Variants in ADGRL3 observed in about 807,000 individuals in gnomAD.
ADGRL3 encodes calcium-independent alpha-latrotoxin receptor 3.
A neutral mutation model predicts 153.5 loss-of-function variants in ADGRL3; 62 were observed. That is an observed-to-expected ratio of 0.40 (90% CI 0.33 to 0.50). ADGRL3 has a LOEUF of 0.50. Ranked by LOEUF, ADGRL3 falls within the 20% of genes least tolerant of loss-of-function variation. The pLI is 0.47. For synonymous variants in ADGRL3, 710 were observed against 672.5 expected (o/e 1.06, Z -0.86); for missense variants, 1,641 against 1,859.4 (o/e 0.88, Z 2.16).
intron 4 of ADGRL3, among the ~76,000 whole-genome samples, chr4:61,525,646 T>C (rs1239171915): frequency 7.9e-5 from 12 of 152,106 alleles, no homozygotes; most frequent in Non-Finnish European, 4.4e-5. Context: ...AATGAGTGTC[T>C]GAACTGGGGA....
intron 17 of ADGRL3, among the ~76,000 whole-genome samples, chr4:61,948,842 T>C (rs1305209694): frequency 6.6e-6 from 1 of 152,116 alleles, no homozygotes; most frequent in Non-Finnish European, 1.5e-5. Flanking sequence ...CTACATCAAT[T>C]TCCTCCCAGT....
intron 2 of ADGRL3, among the ~76,000 whole-genome samples, chr4:61,442,428 TGC>T (rs2097537344): frequency 6.6e-6 from 1 of 152,150 alleles, no homozygotes; most frequent in Admixed American, 6.5e-5. Context: ...ATTCGATTAT[TGC>T]AAGTAAAGAG....
chr4:61,320,985 T>C (rs957721849), intron 1 of ADGRL3, among the ~76,000 whole-genome samples: 1 of 152,168 alleles, frequency 6.6e-6, no homozygotes, highest in African/African-American at 2.4e-5. Context: ...CCTTCCTTTA[T>C]TTTCAAAGCC....
intron 25 of ADGRL3, among the ~76,000 whole-genome samples, chr4:62,061,961 T>C (rs1048651967): frequency 6.6e-6 from 1 of 151,992 alleles, no homozygotes; most frequent in African/African-American, 2.4e-5. Flanking sequence ...AATTTCCATT[T>C]CTCTGGGATA....
intron 9 of ADGRL3, among the ~76,000 whole-genome samples, chr4:61,873,878 A>G (rs1451623380): frequency 6.6e-6 from 1 of 152,076 alleles, no homozygotes; most frequent in Non-Finnish European, 1.5e-5. Context: ...TAAACATCCT[A>G]CAATGCAAAG....
rs950696396 is a variant in ADGRL3 at position 61,495,496 on chromosome 4, G to A, written c.-173-1625G>A. On this transcript the variant is annotated intron_variant, in intron 2 of 26. Transcript: ENST00000683033. ...GAGGAAGGAAGGAAGGAAGGAAGGG[G>A]AAGGGAAGGGAAGGAAGGGGAAGGG... Among the ~76,000 whole-genome samples, 13 of 150,344 alleles carry A rather than the reference G, an allele frequency of 8.6e-5. No homozygotes were observed. The East Asian group carries it at 2.5e-3, about 29-fold the overall frequency.
chr4:61,976,823 C>T (rs1189625261), intron 17 of ADGRL3, among the ~76,000 whole-genome samples: 1 of 152,090 alleles, frequency 6.6e-6, no homozygotes, highest in Non-Finnish European at 1.5e-5. Flanking sequence ...ATAAATTACC[C>T]AGTCTTGGGT....
intron 9 of ADGRL3, among the ~76,000 whole-genome samples, chr4:61,854,192 G>C (rs573299127): frequency 6.6e-6 from 1 of 152,192 alleles, no homozygotes; most frequent in South Asian, 2.1e-4. Flanking sequence ...GAATTTACTG[G>C]ACAATACTTT....
chr4:61,519,237 G>A (rs1456235445), intron 4 of ADGRL3, among the ~76,000 whole-genome samples: 1 of 152,058 alleles, frequency 6.6e-6, no homozygotes, highest in Non-Finnish European at 1.5e-5. Context: ...AGTTTTTATA[G>A]CTTAATAAGA....
At chr4:61,469,887 TG>T (rs2097924324) in intron 2 of ADGRL3, among the ~76,000 whole-genome samples, 1 of 151,816 alleles carries the variant, frequency 6.6e-6, no homozygotes, top group South Asian at 2.1e-4. Flanking sequence ...GTTTATGTCA[TG>T]ACAATAATAA....
At chr4:61,211,777 G>A (rs539480608) in intron 1 of ADGRL3, 1 of 152,282 alleles carries the variant, frequency 6.6e-6, no homozygotes, top group South Asian at 2.1e-4. Flanking sequence ...TCTAGGCTCT[G>A]TATATATGAG....
At chr4:61,638,305 A>G (rs1025861609) in intron 5 of ADGRL3, among the ~76,000 whole-genome samples, 1 of 152,170 alleles carries the variant, frequency 6.6e-6, no homozygotes, top group African/African-American at 2.4e-5. Context: ...TTAATACTGT[A>G]TGATTTCTTG....
chr4:61,409,417 A>C (rs959789220), intron 2 of ADGRL3, among the ~76,000 whole-genome samples: 82 of 143,878 alleles, frequency 5.7e-4, no homozygotes, highest in African/African-American at 2.0e-3. Context: ...ATATATATAT[A>C]TATTATATAT....
chr4:61,504,274 T>G (rs1466289173), intron 3 of ADGRL3, among the ~76,000 whole-genome samples: 3 of 152,206 alleles, frequency 2.0e-5, no homozygotes, highest in South Asian at 4.1e-4. Context: ...GGATTACGGG[T>G]GTGAAGCACT....
intron 1 of ADGRL3, among the ~76,000 whole-genome samples, chr4:61,329,853 G>C (rs2095536738): frequency 6.6e-6 from 1 of 152,152 alleles, no homozygotes. Flanking sequence ...AGAATCATTT[G>C]AGTTGTATGA....
At chr4:61,974,138 T>G (rs1219781722) in intron 17 of ADGRL3, among the ~76,000 whole-genome samples, 2 of 152,018 alleles carry the variant, frequency 1.3e-5, no homozygotes, top group Non-Finnish European at 2.9e-5. Flanking sequence ...CAGCTAATTT[T>G]GGTATTTCTT....
intron 1 of ADGRL3, among the ~76,000 whole-genome samples, chr4:61,272,217 CA>C (rs1464454989): frequency 6.6e-6 from 1 of 151,558 alleles, no homozygotes; most frequent in Non-Finnish European, 1.5e-5. Flanking sequence ...ACAGAGTTTA[CA>C]AAAAATGGTT....
intron 9 of ADGRL3, among the ~76,000 whole-genome samples, chr4:61,856,604 CTTTTTTTTTT>C (rs1157019252): frequency 7.1e-4 from 11 of 15,596 alleles, no homozygotes; most frequent in African/African-American, 1.4e-3. Context: ...CTCTCTCTCT[CTTTTTTTTTT>C]TTTTTTTTTT....
intron 5 of ADGRL3, among the ~76,000 whole-genome samples, chr4:61,608,567 T>C (rs2099041729): frequency 6.6e-6 from 1 of 152,210 alleles, no homozygotes; most frequent in African/African-American, 2.4e-5. Context: ...TTAGCTATTT[T>C]ATTATTTATT....
Sources: gnomAD v4.1 joint callset for allele counts (sites outside exome capture counted in the v4.1 genomes callset) on GRCh38, gnomAD v4.1.1 for gene constraint, MANE v1.5 for transcripts, NCBI Gene and HGNC (gene_info 2026-07-23, HGNC 2026-07-21) for gene names.